The following ABR variants were observed in gnomAD, a reference collection of about 807,000 sequenced individuals.
ABR encodes ABR activator of RhoGEF and GTPase, also known as active breakpoint cluster region-related protein.
In ABR, 35 loss-of-function variants were observed where a neutral mutation model predicts 107.2. The observed-to-expected ratio is 0.33, with a 90% confidence interval of 0.25 to 0.43. The LOEUF (loss-of-function observed/expected upper bound fraction) is 0.43, where lower values mean the gene tolerates loss of function less well. Ranked by LOEUF, ABR falls within the 20% of genes least tolerant of loss-of-function variation. ABR has a pLI of 1.00. For synonymous variants in ABR, 498 were observed against 462.0 expected, an observed-to-expected ratio of 1.08 and a Z score of -1.00; for missense variants, 815 against 1,115.2, an observed-to-expected ratio of 0.73 and a Z score of 3.83.
At chr17:1,185,868 C>T (rs2042280342) in intron 1 of ABR, among the ~76,000 whole-genome samples, 1 of 151,726 alleles carries the variant, frequency 6.6e-6, no homozygotes, top group Admixed American at 6.6e-5. Flanking sequence ...TGGAGTTTCA[C>T]TCTTATTGCC....
At chr17:1,006,247 CT>C (rs2070023189) in intron 22 of ABR, 78 bp from the exon 23 acceptor site, 8 of 1,290,392 alleles carry the variant, frequency 6.2e-6, no homozygotes, top group African/African-American at 3.0e-5. Context: ...TGTGTTGCCC[CT>C]CCCACTCCCT....
intron 16 of ABR, among the ~76,000 whole-genome samples, chr17:1,043,038 G>C (rs1191622064): frequency 6.6e-6 from 1 of 152,214 alleles, no homozygotes; most frequent in South Asian, 2.1e-4. Flanking sequence ...GAGGCTAAGG[G>C]TGCAGGAGTG....
At position 1,200,382 on chromosome 17, in the gene ABR, AT is replaced by A. The variant is rs565816713; in HGVS notation, c.838+28410del. Among the ~76,000 whole-genome samples, 1 of 152,008 alleles carries A rather than the reference AT, an allele frequency of 6.6e-6. No individual in the cohort carries two copies. The highest frequency in any genetic ancestry group is 1.5e-5 in the Non-Finnish European group (1 of 68,012). On this transcript the variant is annotated intron_variant, in intron 1 of 22. Coordinates refer to the ABR transcript ENST00000574139. This position sits in a 1 kb window ranked among gnomAD's most constrained non-coding sequence, Gnocchi z 4.1. ...CAAGACACTGTCTCCATTAAAAAAA[AT>A]TTTTTTAAATAAAGTCTATGGGAGA...
chr17:1,138,294 G>C (rs536846757), intron 1 of ABR, among the ~76,000 whole-genome samples: 1 of 152,190 alleles, frequency 6.6e-6, no homozygotes, highest in South Asian at 2.1e-4. Flanking sequence ...TGGCTTTCTG[G>C]GGGTGGACGA....
chr17:1,013,246 A>G (rs2070793565), intron 16 of ABR, 82 bp from the exon 17 acceptor site: 2 of 1,320,146 alleles, frequency 1.5e-6, no homozygotes, highest in African/African-American at 2.9e-5. Flanking sequence ...CACTGCTCAG[A>G]GCCAGCTACA....
In ABR at chr17:1,056,038, C is replaced by T. The variant is rs1232469724; in HGVS notation, c.1558G>A (p.Ala520Thr). 1 of 1,613,972 alleles carries T rather than the reference C, an allele frequency of 6.2e-7. No homozygotes were observed. The highest frequency in any genetic ancestry group is 2.2e-5 in the East Asian group (1 of 44,894). The change falls in exon 14 of 23, where the codon GCC becomes ACC. Residue 520 changes from alanine to threonine, a missense_variant. Transcript: ENST00000302538. The stretch of plus-strand genomic sequence containing the variant: ...TCGTCCTGGCCAGGGCACTTACTGG[C>T]TGATTGCTTAAATCCCTTGGCAGAG... ...VHSAKGFKQS[A>T]NLYCTLEVDS...
intron 12 of ABR, among the ~76,000 whole-genome samples, chr17:1,057,679 G>A (rs1434212878): frequency 4.6e-5 from 7 of 150,630 alleles, no homozygotes; most frequent in Admixed American, 1.3e-4. Context: ...GTGTGTGTGT[G>A]TGTGTCTCTG....
At chr17:1,096,373 G>A (rs1207975845) in intron 3 of ABR, among the ~76,000 whole-genome samples, 1 of 152,194 alleles carries the variant, frequency 6.6e-6, no homozygotes, top group Non-Finnish European at 1.5e-5. Context: ...CGAGCATGGA[G>A]GGAACGAATT....
Position 1,071,194 on chromosome 17 carries a change from G to A in ABR, c.895-1104C>T, listed in dbSNP as rs542439599. ...AAGGATGACTGAAAACGGAGGGTAC[G>A]CTAAGCCCTCTGGAGATTTTTCAGA... On this transcript the variant is annotated intron_variant, in intron 8 of 22. Transcript: ENST00000302538. The surrounding 1 kb of genome is among the most constrained non-coding windows in gnomAD (Gnocchi z 5.1). Among the ~76,000 whole-genome samples the A allele has an allele frequency of 3.9e-5, 6 of 152,212 alleles. No homozygotes were observed. The highest frequency in any genetic ancestry group is 2.1e-4 in the South Asian group (1 of 4,820).
Position 1,037,866 on chromosome 17 carries a change from T to C in ABR, c.1791+12184A>G, listed in dbSNP as rs373982194. 6.6e-6 allele frequency among the ~76,000 whole-genome samples: 1 copy of C among 152,176 alleles called. No homozygotes were observed. The stretch of plus-strand genomic sequence containing the variant: ...AGCAAAGCCCTGGGAGCCAGGGACC[T>C]GTGGACTCAACGGCTGTGTTTTTCT... On this transcript the variant is annotated intron_variant, in intron 16 of 22. Transcript: ENST00000302538. This position sits in a 1 kb window ranked among gnomAD's most constrained non-coding sequence, Gnocchi z 4.6.
chr17:1,056,366 A>G (rs1022143007), intron 13 of ABR, among the ~76,000 whole-genome samples: 8 of 152,084 alleles, frequency 5.3e-5, no homozygotes, highest in Non-Finnish European at 1.2e-4. Context: ...TGGCCCAGGG[A>G]CTTAGTACCA....
At position 1,050,940 on chromosome 17, in the gene ABR, A is replaced by C. The variant is rs967881096; in HGVS notation, c.1562-306T>G. Among the ~76,000 whole-genome samples the C allele has an allele frequency of 1.3e-4, 15 of 115,780 alleles. No individual in the cohort carries two copies. Among genetic ancestry groups the C allele is most frequent in the Non-Finnish European group, 2.1e-4 (11 of 53,014 alleles). 76.0% of individuals were successfully genotyped at this position (115,780 alleles called of 152,430 possible). On this transcript the variant is annotated intron_variant, in intron 14 of 22. Coordinates refer to ENST00000302538, the MANE Select transcript of ABR (RefSeq NM_021962.5). The surrounding 1 kb of genome is among the most constrained non-coding windows in gnomAD (Gnocchi z 4.6). ...TGCCCTTCCCACCTCGGCCCTCCCC[A>C]CACTCTGGCCTCCTCCTCCCTCTAA...
At chr17:1,012,968 GGA>G (rs2070757249) in intron 17 of ABR, 135 bp downstream of exon 17, 10 of 1,152,734 alleles carry the variant, frequency 8.7e-6, no homozygotes, top group Non-Finnish European at 1.3e-5. Flanking sequence ...GGGCAGGAGG[GGA>G]GAGGGGGCTG....
At chr17:1,061,868 G>A (rs2033978809) in intron 10 of ABR, among the ~76,000 whole-genome samples, 2 of 152,278 alleles carry the variant, frequency 1.3e-5, no homozygotes, top group Admixed American at 6.5e-5. Context: ...TTTTCTACGT[G>A]TCGAATATGA....
chr17:1,024,024 C>CAAAAAAAAAAAAAAAAAAAAAAAAAA (rs11334940), intron 16 of ABR, among the ~76,000 whole-genome samples: 6 of 47,678 alleles, frequency 1.3e-4, no homozygotes, highest in Non-Finnish European at 1.6e-4. Flanking sequence ...GACTCCATCT[C>CAAAAAAAAAAAAAAAAAAAAAAAAAA]AAAAAAAAAA....
intron 1 of ABR, among the ~76,000 whole-genome samples, chr17:1,186,443 A>G (rs2042298506): frequency 1.3e-5 from 2 of 152,132 alleles, no homozygotes; most frequent in Non-Finnish European, 2.9e-5. Flanking sequence ...GGGGAGCTGC[A>G]TTCACCCCCT....
At chr17:1,193,740 G>C (rs752316569) in intron 1 of ABR, among the ~76,000 whole-genome samples, 17 of 152,166 alleles carry the variant, frequency 1.1e-4, no homozygotes, top group Non-Finnish European at 1.9e-4. Flanking sequence ...CTGGAGTGTG[G>C]AGTGCAGTGG....
intron 16 of ABR, among the ~76,000 whole-genome samples, chr17:1,047,081 C>G (rs2031734681): frequency 6.6e-6 from 1 of 152,250 alleles, no homozygotes. Flanking sequence ...CGTAGGGCCC[C>G]TTGCTTTCTC....
At chr17:1,100,827 C>T (rs1004324006) in intron 2 of ABR, 92 bp from the exon 3 acceptor site, 4 of 1,256,194 alleles carry the variant, frequency 3.2e-6, no homozygotes, top group Non-Finnish European at 4.6e-6. Flanking sequence ...CCCCCCCGAC[C>T]TTTATTTTTT....
Sources: allele counts gnomAD v4.1 joint callset (sites outside exome capture counted in the v4.1 genomes callset), GRCh38; gene constraint gnomAD v4.1.1; non-coding constraint Gnocchi (gnomAD v3.1); transcripts MANE v1.5; gene names NCBI Gene and HGNC (gene_info 2026-07-23, HGNC 2026-07-21).